SSH2: variants seen among roughly 807,000 people sequenced by gnomAD.
The protein encoded by SSH2 is protein phosphatase Slingshot homolog 2.
Under a neutral mutation model 135.2 loss-of-function variants are expected in SSH2, and 37 were observed. The ratio of observed to expected loss-of-function variants is 0.27; its 90% CI spans 0.21 to 0.36. The LOEUF (loss-of-function observed/expected upper bound fraction) is 0.36, where lower values mean the gene tolerates loss of function less well. Ranked by LOEUF, SSH2 falls within the 10% of genes least tolerant of loss-of-function variation. The probability of loss-of-function intolerance (pLI) is 1.00; values close to 1 mark genes in which losing one functional copy is unlikely to be tolerated. For synonymous variants in SSH2, 628 were observed against 646.2 expected (o/e 0.97, Z 0.43); for missense variants, 1,408 against 1,765.3 (o/e 0.80, Z 3.63).
chr17:29,927,105 T>C (rs1163700450), intron 1 of SSH2, among the ~76,000 whole-genome samples: 1 of 152,194 alleles, frequency 6.6e-6, no homozygotes, highest in Non-Finnish European at 1.5e-5. Context: ...AATTAATTCA[T>C]GTAAAGCGCT....
chr17:29,918,601 A>G (rs1044024103), intron 1 of SSH2, among the ~76,000 whole-genome samples: 9 of 152,190 alleles, frequency 5.9e-5, no homozygotes, highest in Admixed American at 1.3e-4. Context: ...CCCAGCATAT[A>G]TCATGCTATT....
At chr17:29,776,449 G>C (rs1168492342) in intron 3 of SSH2, 1 of 152,156 alleles carries the variant, frequency 6.6e-6, no homozygotes, top group Non-Finnish European at 1.5e-5. Context: ...CCACTGTGAT[G>C]GACATTACAG....
intron 3 of SSH2, among the ~76,000 whole-genome samples, chr17:29,743,067 GA>G (rs1166313004): frequency 2.6e-5 from 4 of 152,162 alleles, no homozygotes; most frequent in Non-Finnish European, 5.9e-5. Context: ...GAGTAGCTGG[GA>G]TTACAGGCAT....
At chr17:29,646,192 C>T (rs2036362233) in intron 14 of SSH2, among the ~76,000 whole-genome samples, 1 of 152,208 alleles carries the variant, frequency 6.6e-6, no homozygotes, top group African/African-American at 2.4e-5. Flanking sequence ...CTTGTTCCTG[C>T]TGCTGAAGGT....
At chr17:29,789,901 A>C (rs555395663) in intron 3 of SSH2, among the ~76,000 whole-genome samples, 2 of 152,232 alleles carry the variant, frequency 1.3e-5, no homozygotes, top group East Asian at 3.9e-4. Context: ...AATCTATCCT[A>C]TGCTTACCTC....
intron 3 of SSH2, among the ~76,000 whole-genome samples, chr17:29,718,698 A>C (rs2039711852): frequency 7.6e-6 from 1 of 131,236 alleles, no homozygotes. Context: ...GTGCCACTGC[A>C]CTCTAGACTG....
intron 1 of SSH2, among the ~76,000 whole-genome samples, chr17:29,896,711 A>G (rs1168922158): frequency 6.6e-6 from 1 of 151,650 alleles, no homozygotes; most frequent in Non-Finnish European, 1.5e-5. Context: ...TATGTATCAT[A>G]TGTAAAATGC....
At chr17:29,852,911 C>T (rs569910099) in intron 1 of SSH2, among the ~76,000 whole-genome samples, 2 of 151,910 alleles carry the variant, frequency 1.3e-5, no homozygotes, top group South Asian at 4.1e-4. Flanking sequence ...CAGTCTTTCT[C>T]ATGAGTATAT....
intron 1 of SSH2, among the ~76,000 whole-genome samples, chr17:29,867,097 A>C (rs1051458173): frequency 2.0e-5 from 3 of 151,772 alleles, no homozygotes; most frequent in African/African-American, 7.3e-5. Flanking sequence ...GCTCCCTCCC[A>C]AAGTGCTGGG....
At chr17:29,674,108 T>G (rs1405682425) in intron 8 of SSH2, 1 of 456,598 alleles carries the variant, frequency 2.2e-6, no homozygotes, top group Non-Finnish European at 4.4e-6. Flanking sequence ...CTCCAGTTCA[T>G]TCTTCCACCA....
At chr17:29,885,878 T>C (rs1429269313) in intron 1 of SSH2, among the ~76,000 whole-genome samples, 1 of 152,174 alleles carries the variant, frequency 6.6e-6, no homozygotes, top group African/African-American at 2.4e-5. Flanking sequence ...TCTTCCACCA[T>C]GATTGTGAGG....
chr17:29,696,674 T>C (rs1476652187), intron 4 of SSH2, among the ~76,000 whole-genome samples: 2 of 141,218 alleles, frequency 1.4e-5, no homozygotes, highest in Non-Finnish European at 3.1e-5. Flanking sequence ...TATACGTACG[T>C]GTGTGTGTGT....
chr17:29,640,889 G>T (rs2036131259), intron 14 of SSH2: 1 of 151,648 alleles, frequency 6.6e-6, no homozygotes, highest in Non-Finnish European at 1.5e-5. Flanking sequence ...TATATAAATG[G>T]TATCCCACTG....
At chr17:29,678,713 CTTTTTTTTT>C (rs55889704) in intron 6 of SSH2, among the ~76,000 whole-genome samples, 1 of 112,074 alleles carries the variant, frequency 8.9e-6, no homozygotes, top group Non-Finnish European at 1.7e-5. Context: ...AATACTATTT[CTTTTTTTTT>C]TTTTTTTTTT....
intron 12 of SSH2, 26 bp from the exon 13 acceptor site, chr17:29,650,826 G>A (rs1024128050): frequency 6.3e-7 from 1 of 1,580,564 alleles, no homozygotes; most frequent in African/African-American, 1.4e-5. Context: ...GGGAGAATAT[G>A]TGCTCTACTA....
intron 2 of SSH2, among the ~76,000 whole-genome samples, chr17:29,836,010 A>AATT (rs918463281): frequency 1.3e-5 from 2 of 151,052 alleles, no homozygotes; most frequent in African/African-American, 2.4e-5. Context: ...CTTTTGAAAG[A>AATT]ATTATTATTA....
At chr17:29,683,318 C>T (rs1054468945) in intron 6 of SSH2, among the ~76,000 whole-genome samples, 4 of 152,146 alleles carry the variant, frequency 2.6e-5, no homozygotes, top group Admixed American at 2.0e-4. Context: ...AGGAAAGCAA[C>T]AAACCTTAAG....
At chr17:29,863,539 G>A (rs1387202762) in intron 1 of SSH2, 1 of 152,150 alleles carries the variant, frequency 6.6e-6, no homozygotes, top group Non-Finnish European at 1.5e-5. Context: ...ATGCAGATTT[G>A]ATATCTAGAG....
At chr17:29,649,715 T>C (rs1202149314) in intron 13 of SSH2, among the ~76,000 whole-genome samples, 1 of 152,142 alleles carries the variant, frequency 6.6e-6, no homozygotes. Flanking sequence ...CCCCTCTGGA[T>C]CTTAGAAAAT....
Sources: allele counts gnomAD v4.1 joint callset (sites outside exome capture counted in the v4.1 genomes callset), GRCh38; gene constraint gnomAD v4.1.1; transcripts MANE v1.5; gene names NCBI Gene and HGNC (gene_info 2026-07-23, HGNC 2026-07-21).